Variants in NPSR1 observed in about 807,000 individuals in gnomAD.
NPSR1 encodes neuropeptide S receptor.
A neutral mutation model predicts 46.9 loss-of-function variants in NPSR1; 48 were observed. The ratio of observed to expected loss-of-function variants is 1.02; its 90% confidence interval spans 0.81 to 1.30. NPSR1 has a LOEUF of 1.30. Among genes scored for constraint, NPSR1 ranks in the 50% most tolerant of loss-of-function variants. The pLI, the probability that NPSR1 is intolerant of heterozygous loss-of-function variation, is 0.00. For missense variants in NPSR1, 450 were observed against 449.5 expected, an observed-to-expected ratio of 1.00 and a Z score of -0.01; for synonymous variants, 176 against 168.1, an observed-to-expected ratio of 1.05 and a Z score of -0.36.
intron 2 of NPSR1, among the ~76,000 whole-genome samples, chr7:34,773,795 C>G (rs1016200286): frequency 6.6e-6 from 1 of 152,186 alleles, no homozygotes; most frequent in Non-Finnish European, 1.5e-5. Context: ...AGTACTTAAT[C>G]CAAAGACAAA....
intron 3 of NPSR1, among the ~76,000 whole-genome samples, chr7:34,805,897 G>T (rs779663709): frequency 6.6e-6 from 1 of 151,818 alleles, no homozygotes; most frequent in Non-Finnish European, 1.5e-5. Flanking sequence ...CCTTCACCAA[G>T]AAGATGGCAA....
At chr7:34,804,750 T>G (rs542006311) in intron 3 of NPSR1, among the ~76,000 whole-genome samples, 67 of 152,112 alleles carry the variant, frequency 4.4e-4, no homozygotes, top group African/African-American at 1.6e-3. Context: ...TGTTAATAAA[T>G]TTGTAATTTT....
chr7:34,827,720 C>A, intron 5 of NPSR1, 118 bp downstream of exon 5: 2 of 719,246 alleles, frequency 2.8e-6, no homozygotes, highest in Non-Finnish European at 4.5e-6. Flanking sequence ...CTTGAGGGAA[C>A]TGACCAGGCC....
intron 3 of NPSR1, among the ~76,000 whole-genome samples, chr7:34,797,703 G>A (rs1788241512): frequency 6.6e-6 from 1 of 152,050 alleles, no homozygotes; most frequent in Non-Finnish European, 1.5e-5. Context: ...CAAAATAAAT[G>A]TCAGAAAAAA....
chr7:34,672,337 G>A (rs1334984931), intron 1 of NPSR1, among the ~76,000 whole-genome samples: 1 of 152,182 alleles, frequency 6.6e-6, no homozygotes, highest in East Asian at 1.9e-4. Context: ...TAATTTGGAA[G>A]TCCTCTTGCG....
At chr7:34,727,622 C>G (rs1304703130) in intron 2 of NPSR1, among the ~76,000 whole-genome samples, 6 of 152,190 alleles carry the variant, frequency 3.9e-5, no homozygotes, top group Non-Finnish European at 8.8e-5. Context: ...TTAAGTGACT[C>G]AGTCAACAAA....
intron 2 of NPSR1, among the ~76,000 whole-genome samples, chr7:34,765,266 A>G (rs942935352): frequency 6.6e-6 from 1 of 152,248 alleles, no homozygotes; most frequent in Non-Finnish European, 1.5e-5. Context: ...ATGAGACTCA[A>G]AAAGAAAATG....
At chr7:34,731,402 A>C (rs577739214) in intron 2 of NPSR1, among the ~76,000 whole-genome samples, 9 of 152,340 alleles carry the variant, frequency 5.9e-5, no homozygotes, top group Admixed American at 5.9e-4. Flanking sequence ...TTTTCCAATA[A>C]GAAAAGAAAG....
At chr7:34,752,399 C>T (rs947073135) in intron 2 of NPSR1, among the ~76,000 whole-genome samples, 2 of 152,062 alleles carry the variant, frequency 1.3e-5, no homozygotes, top group African/African-American at 4.8e-5. Context: ...TTTCCTTAGA[C>T]CCCCAGTGAA....
intron 8 of NPSR1, among the ~76,000 whole-genome samples, chr7:34,872,706 C>T (rs552901956): frequency 6.6e-5 from 10 of 151,804 alleles, no homozygotes; most frequent in African/African-American, 2.2e-4. Flanking sequence ...AGAGAGAGAA[C>T]TCCTCTTTAT....
intron 1 of NPSR1, among the ~76,000 whole-genome samples, chr7:34,668,401 T>A (rs142609666): frequency 6.6e-6 from 1 of 152,204 alleles, no homozygotes; most frequent in Non-Finnish European, 1.5e-5. Flanking sequence ...CTTTTCAGGA[T>A]TTTTGGTCTA....
intron 3 of NPSR1, among the ~76,000 whole-genome samples, chr7:34,796,072 T>G (rs1226838150): frequency 1.3e-5 from 2 of 152,122 alleles, no homozygotes; most frequent in South Asian, 2.1e-4. Flanking sequence ...TGGAACAGAA[T>G]AGCAAGCCCA....
At chr7:34,670,552 AAACT>A (rs1437005873) in intron 1 of NPSR1, among the ~76,000 whole-genome samples, 1 of 151,498 alleles carries the variant, frequency 6.6e-6, no homozygotes, top group Non-Finnish European at 1.5e-5. Flanking sequence ...GGGAAACAAC[AAACT>A]AAGAAAATTA....
At chr7:34,696,574 C>T (rs905262807) in intron 2 of NPSR1, among the ~76,000 whole-genome samples, 3 of 151,690 alleles carry the variant, frequency 2.0e-5, no homozygotes, top group African/African-American at 4.8e-5. Flanking sequence ...GCTTACAATA[C>T]AATAGTTAAA....
At chr7:34,848,454 G>A (rs763610269) in intron 7 of NPSR1, 29 bp from the exon 8 acceptor site, 3 of 1,608,616 alleles carry the variant, frequency 1.9e-6, no homozygotes, top group Admixed American at 1.7e-5. Flanking sequence ...GCTACCTGCT[G>A]TGATGCTAAT....
chr7:34,691,019 T>C (rs1793223642), intron 2 of NPSR1, among the ~76,000 whole-genome samples: 2 of 152,098 alleles, frequency 1.3e-5, no homozygotes, highest in African/African-American at 2.4e-5. Context: ...ATAAGACTAA[T>C]AGTGGACTTC....
At chr7:34,823,117 G>A (rs964127589) in intron 4 of NPSR1, among the ~76,000 whole-genome samples, 6 of 152,068 alleles carry the variant, frequency 3.9e-5, no homozygotes, top group Non-Finnish European at 7.4e-5. Flanking sequence ...GAGACCAGGC[G>A]CTGTGGCCCA....
At chr7:34,789,739 G>T (rs1437382947) in intron 3 of NPSR1, among the ~76,000 whole-genome samples, 22 of 35,892 alleles carry the variant, frequency 6.1e-4, no homozygotes, top group African/African-American at 3.1e-3. Context: ...GTTGCAGTGC[G>T]CAAAAAAAAA....
chr7:34,818,264 T>C (rs930815782), intron 4 of NPSR1, among the ~76,000 whole-genome samples: 2 of 152,174 alleles, frequency 1.3e-5, no homozygotes, highest in African/African-American at 2.4e-5. Flanking sequence ...AGCATTCCTA[T>C]ACATGAATAA....
Sources: gnomAD v4.1 joint callset for allele counts (sites outside exome capture counted in the v4.1 genomes callset) on GRCh38, gnomAD v4.1.1 for gene constraint, MANE v1.5 for transcripts, NCBI Gene and HGNC (gene_info 2026-07-23, HGNC 2026-07-21) for gene names.